FARP2: variants seen among roughly 807,000 people sequenced by gnomAD.
The protein encoded by FARP2 is FERM, ARHGEF and pleckstrin domain-containing protein 2.
A neutral mutation model predicts 130.5 loss-of-function variants in FARP2; 111 were observed. The ratio of observed to expected loss-of-function variants is 0.85; its 90% confidence interval spans 0.73 to 1.00. The LOEUF (loss-of-function observed/expected upper bound fraction) is 1.00. Among genes scored for constraint, FARP2 ranks in the 50% least tolerant of loss-of-function variants. The probability of loss-of-function intolerance (pLI) is 0.00; values close to 1 mark genes in which losing one functional copy is unlikely to be tolerated. For missense variants in FARP2, 1,385 were observed against 1,346.3 expected (o/e 1.03, Z -0.45); for synonymous variants, 504 against 516.9 (o/e 0.98, Z 0.34).
intron 13 of FARP2, among the ~76,000 whole-genome samples, chr2:241,450,519 A>G (rs2063624392): frequency 6.6e-6 from 1 of 152,002 alleles, no homozygotes; most frequent in East Asian, 1.9e-4. Flanking sequence ...TACGAAAATT[A>G]GCTGGGTATG....
intron 8 of FARP2, among the ~76,000 whole-genome samples, chr2:241,430,527 T>C (rs1372805148): frequency 6.6e-6 from 1 of 152,070 alleles, no homozygotes; most frequent in Admixed American, 6.6e-5. Context: ...AACCAGGAAT[T>C]CCCATCATTC....
intron 17 of FARP2, 136 bp downstream of exon 17, chr2:241,464,116 G>T: frequency 2.9e-6 from 2 of 685,052 alleles, no homozygotes; most frequent in Non-Finnish European, 5.1e-6. Flanking sequence ...TCAGAGTAGG[G>T]TCTCCTTAGA....
intron 7 of FARP2, among the ~76,000 whole-genome samples, chr2:241,415,989 C>CTCTCTGTGTG (rs764755388): frequency 9.9e-5 from 14 of 141,794 alleles, no homozygotes; most frequent in African/African-American, 3.2e-4. Flanking sequence ...CAGGGTAGTT[C>CTCTCTGTGTG]TGTGTGTGTG....
At chr2:241,439,266 C>T (rs1255599533) in intron 12 of FARP2, among the ~76,000 whole-genome samples, 1 of 152,012 alleles carries the variant, frequency 6.6e-6, no homozygotes, top group Non-Finnish European at 1.5e-5. Flanking sequence ...GATCCTTCTG[C>T]CTCAGCCTCC....
At chr2:241,424,785 G>A (rs2150383704) in intron 8 of FARP2, among the ~76,000 whole-genome samples, 1 of 152,268 alleles carries the variant, frequency 6.6e-6, no homozygotes, top group East Asian at 1.9e-4. Flanking sequence ...TGAACCCACG[G>A]AAATATAAAC....
At chr2:241,461,587 T>C (rs3771586) in intron 14 of FARP2, among the ~76,000 whole-genome samples, 57,170 of 152,128 alleles carry the variant, frequency 0.38, 11,017 homozygotes, top group Admixed American at 0.52. Context: ...CTGCGTTATG[T>C]CTTGTACAGC....
intron 8 of FARP2, among the ~76,000 whole-genome samples, chr2:241,429,808 A>G (rs1342369318): frequency 6.6e-6 from 1 of 152,152 alleles, no homozygotes; most frequent in Non-Finnish European, 1.5e-5. Context: ...ATTAGCCAGG[A>G]TTGGTATCAG....
chr2:241,376,531 C>T (rs2061539819), intron 2 of FARP2, among the ~76,000 whole-genome samples: 1 of 149,004 alleles, frequency 6.7e-6, no homozygotes, highest in Non-Finnish European at 1.5e-5. Context: ...CAGAGTCCCC[C>T]TCCTGGGGAA....
At position 241,361,998 on chromosome 2, in the gene FARP2, G is replaced by T. The variant is rs180800787; in HGVS notation, c.-25+5610G>T. 2.0e-5 allele frequency among the ~76,000 whole-genome samples: 3 copies of T among 151,696 alleles called. No homozygotes were observed. The East Asian group carries it at 5.8e-4, about 29-fold the overall frequency. ...CAACCTCCGCCTCCCACATTCAAGC[G>T]ATTCTCCTGCCTCAGTCTCCCAAGT... On this transcript the variant is annotated intron_variant, in intron 1 of 26. Transcript: ENST00000264042.
rs776800587 is a variant in FARP2 at position 241,491,716 on chromosome 2, A to C, written c.2787+37A>C. 6 of 1,554,438 alleles carry C rather than the reference A, an allele frequency of 3.9e-6. No homozygotes were observed. In the South Asian group the frequency reaches 7.3e-5, roughly 19 times the overall value. On this transcript the variant is annotated intron_variant, in intron 24 of 26. Transcript: ENST00000264042. ...TGAGCACCACCTCAGTGCATCTGGA[A>C]TGTTCCCAGCTGTCTCTGCACTTGG...
intron 8 of FARP2, among the ~76,000 whole-genome samples, chr2:241,423,849 A>T (rs2062867144): frequency 1.3e-5 from 2 of 152,216 alleles, no homozygotes; most frequent in Admixed American, 6.5e-5. Context: ...AGCAACAAAG[A>T]TTAAAAAAGA....
At position 241,358,959 on chromosome 2, in the gene FARP2, A is replaced by G. The variant is rs552582946; in HGVS notation, c.-25+2571A>G. Among the ~76,000 whole-genome samples, 4 of 152,342 alleles carry G rather than the reference A, an allele frequency of 2.6e-5. No homozygotes were observed. The South Asian group carries it at 6.2e-4, about 24-fold the overall frequency. On this transcript the variant is annotated intron_variant, in intron 1 of 26. Transcript: ENST00000264042. Reference sequence around the variant, plus strand: ...TTTGATTTTGGAATCACACTTTTCAAAACAATCTGATAAACTTTGTTGTGT... The same window carrying G: ...TTTGATTTTGGAATCACACTTTTCAGAACAATCTGATAAACTTTGTTGTGT...
chr2:241,440,411 G>A (rs771330526), intron 12 of FARP2, among the ~76,000 whole-genome samples: 3 of 152,142 alleles, frequency 2.0e-5, no homozygotes, highest in Admixed American at 6.6e-5. Context: ...GGATGTGTTA[G>A]GGCACCTATG....
chr2:241,485,637 T>G (rs2064734757), intron 21 of FARP2, among the ~76,000 whole-genome samples: 1 of 133,678 alleles, frequency 7.5e-6, no homozygotes, highest in Admixed American at 7.5e-5. Flanking sequence ...CTCCCTGGAG[T>G]CCTCCCTCCC....
chr2:241,461,866 G>A (rs1406869883), intron 14 of FARP2, among the ~76,000 whole-genome samples: 1 of 152,336 alleles, frequency 6.6e-6, no homozygotes, highest in East Asian at 1.9e-4. Flanking sequence ...GTGGGGAGAG[G>A]CCCTGCAGGG....
At chr2:241,448,157 G>A (rs928545600) in intron 13 of FARP2, among the ~76,000 whole-genome samples, 1 of 152,196 alleles carries the variant, frequency 6.6e-6, no homozygotes, top group African/African-American at 2.4e-5. Flanking sequence ...ACTTAGAGGA[G>A]AGGGAAAAGA....
At chr2:241,457,232 C>T (rs1160368063) in intron 14 of FARP2, among the ~76,000 whole-genome samples, 1 of 152,216 alleles carries the variant, frequency 6.6e-6, no homozygotes, top group South Asian at 2.1e-4. Context: ...TCCAGCCTCC[C>T]CCACTCTTCC....
At chr2:241,428,123 G>A (rs1470485791) in intron 8 of FARP2, among the ~76,000 whole-genome samples, 1 of 152,028 alleles carries the variant, frequency 6.6e-6, no homozygotes, top group Non-Finnish European at 1.5e-5. Flanking sequence ...CTAGAACTGG[G>A]GCTATGGGGA....
chr2:241,392,943 A>T (rs2061942510), intron 2 of FARP2, among the ~76,000 whole-genome samples: 1 of 148,202 alleles, frequency 6.7e-6, no homozygotes, highest in African/African-American at 2.5e-5. Context: ...ACTCCATCTC[A>T]AAAAAGAAAA....
Sources: gnomAD v4.1 joint callset for allele counts (sites outside exome capture counted in the v4.1 genomes callset) on GRCh38, gnomAD v4.1.1 for gene constraint, MANE v1.5 for transcripts, NCBI Gene and HGNC (gene_info 2026-07-23, HGNC 2026-07-21) for gene names.